SATB1: variants seen among roughly 807,000 people sequenced by gnomAD.
The protein encoded by SATB1 is DNA-binding protein SATB1.
A neutral mutation model predicts 86.9 loss-of-function variants in SATB1; 11 were observed. That is an observed-to-expected ratio of 0.13 (90% CI 0.08 to 0.21). The LOEUF is 0.21. Ranked by LOEUF, SATB1 falls within the 10% of genes least tolerant of loss-of-function variation. The pLI is 1.00. For synonymous variants in SATB1, 357 were observed against 357.2 expected, an observed-to-expected ratio of 1.00 and a Z score of 0.01; for missense variants, 551 against 937.6, an observed-to-expected ratio of 0.59 and a Z score of 5.39.
intron 1 of SATB1, among the ~76,000 whole-genome samples, chr3:18,437,541 T>A (rs1050451044): frequency 6.6e-6 from 1 of 152,162 alleles, no homozygotes; most frequent in Admixed American, 6.5e-5. Flanking sequence ...TGTAATTAAC[T>A]GTCTACTGCT....
intron 6 of SATB1, among the ~76,000 whole-genome samples, chr3:18,395,468 TTAATG>T (rs1696920219): frequency 6.6e-6 from 1 of 152,204 alleles, no homozygotes. Flanking sequence ...ATAGAAGTAG[TTAATG>T]TAATAAATAA....
chr3:18,426,107 T>G (rs893075160), upstream of SATB1, among the ~76,000 whole-genome samples: 1 of 152,080 alleles, frequency 6.6e-6, no homozygotes, highest in African/African-American at 2.4e-5. The surrounding 1 kb of genome is among the most constrained non-coding windows in gnomAD (Gnocchi z 4.2). Flanking sequence ...GGCAGTTCTC[T>G]CCGGGGAAGC....
At chr3:18,430,676 C>T (rs980137554) in intron 2 of SATB1, among the ~76,000 whole-genome samples, 4 of 152,120 alleles carry the variant, frequency 2.6e-5, no homozygotes, top group Admixed American at 2.0e-4. Flanking sequence ...ATGTTGCAGG[C>T]GAGTTAAAGG....
At chr3:18,417,752 C>T (rs1698193510) in intron 2 of SATB1, 3 of 677,710 alleles carry the variant, frequency 4.4e-6, no homozygotes, top group Admixed American at 2.2e-5. Flanking sequence ...ATTTAACCTA[C>T]CTAACTAAAA....
chr3:18,349,798 T>C lies in SATB1; in HGVS notation c.1780-116A>G. On this transcript the variant is annotated intron_variant, in intron 10 of 10. Coordinates refer to ENST00000338745, the MANE Select transcript of SATB1 (RefSeq NM_002971.6). This position sits in a 1 kb window ranked among gnomAD's most constrained non-coding sequence, Gnocchi z 5.5. Reference sequence around the variant, plus strand: ...CTACATATAGCTTCTTTGATAGGGATGAAGATTTAGAAAGAAAAGGTAGGC... The same window carrying C: ...CTACATATAGCTTCTTTGATAGGGACGAAGATTTAGAAAGAAAAGGTAGGC... The C allele has an allele frequency of 7.0e-7, 1 of 1,438,606 alleles. No individual in the cohort carries two copies. Among genetic ancestry groups the C allele is most frequent in the Non-Finnish European group, 9.1e-7 (1 of 1,099,600 alleles). 89.1% of individuals were successfully genotyped at this position (1,438,606 alleles called of 1,614,324 possible). A position where few individuals can be genotyped will look rare whatever the true frequency, so the allele number is the denominator to read the frequency against.
upstream of SATB1, among the ~76,000 whole-genome samples, chr3:18,439,239 A>G (rs763279016): frequency 4.2e-4 from 64 of 152,200 alleles, no homozygotes; most frequent in Non-Finnish European, 8.5e-4. Context: ...ACATCCTTGA[A>G]AGTCCATTGA....
chr3:18,381,390 C>T (rs1197008761), intron 8 of SATB1, among the ~76,000 whole-genome samples: 2 of 152,130 alleles, frequency 1.3e-5, no homozygotes, highest in East Asian at 1.9e-4. Context: ...TAAACACTGA[C>T]ATTTATTAGT....
intron 9 of SATB1, among the ~76,000 whole-genome samples, chr3:18,365,765 G>T (rs1346241755): frequency 6.6e-6 from 1 of 152,192 alleles, no homozygotes; most frequent in Non-Finnish European, 1.5e-5. Context: ...AAGCTTGATG[G>T]ATAAGGCTTT....
upstream of SATB1, among the ~76,000 whole-genome samples, chr3:18,426,125 G>T (rs1458698653): frequency 3.3e-5 from 5 of 152,176 alleles, no homozygotes; most frequent in Non-Finnish European, 7.4e-5. The surrounding 1 kb of genome is among the most constrained non-coding windows in gnomAD (Gnocchi z 4.2). Context: ...AGCGCGGAGG[G>T]TGCAGAAACG....
At chr3:18,361,378 G>C (rs1694898636) in intron 9 of SATB1, among the ~76,000 whole-genome samples, 1 of 152,138 alleles carries the variant, frequency 6.6e-6, no homozygotes, top group Admixed American at 6.6e-5. Flanking sequence ...CACAGTAACA[G>C]TATGATGAAT....
rs1427610634 is a variant in SATB1 at position 18,349,848 on chromosome 3, C to CA, written c.1780-167dup. ...CCGGCGAAATGGCCGACAGCATTTA[C>CA]AAAAAAATCAAAATGATATGACTAG... On this transcript the variant is annotated intron_variant, in intron 10 of 10. Transcript: ENST00000338745. The surrounding 1 kb of genome is among the most constrained non-coding windows in gnomAD (Gnocchi z 5.5). 6.3e-5 allele frequency: 77 copies of CA among 1,219,990 alleles called. No homozygotes were observed. The highest frequency in any genetic ancestry group is 2.9e-4 in the Middle Eastern group (1 of 3,478). The allele number at this position is 1,219,990 out of a possible 1,614,324, so 75.6% of individuals were successfully genotyped here. A position where few individuals can be genotyped will look rare whatever the true frequency, so the allele number is the denominator to read the frequency against.
intron 7 of SATB1, among the ~76,000 whole-genome samples, chr3:18,389,097 TA>T (rs1482627427): frequency 1.3e-5 from 2 of 152,092 alleles, no homozygotes; most frequent in Non-Finnish European, 2.9e-5. Context: ...CAAGTGTTTT[TA>T]GGGGCAAAGC....
intron 9 of SATB1, among the ~76,000 whole-genome samples, chr3:18,366,311 G>C (rs1026839458): frequency 5.3e-5 from 8 of 150,434 alleles, no homozygotes; most frequent in Admixed American, 2.0e-4. Context: ...CTTTTCCTTT[G>C]TATTTACTCC....
In SATB1 at chr3:18,394,837, G is replaced by T. The variant is rs771285511; in HGVS notation, c.831C>A (p.Asn277Lys). ...CAGGGGATGGAGGCTGCTCGGCTGT[G>T]TTCCCTGGAACTGGTTGCTGGCCAA... ...VNFGQQPVPG[N>K]TAEQPPSPAQ... The change falls in exon 7 of 11, where the codon AAC (asparagine) becomes AAA (lysine). Residue 277 changes from asparagine to lysine, a missense_variant. Coordinates refer to ENST00000338745, the MANE Select transcript of SATB1 (RefSeq NM_002971.6). This position sits in a 1 kb window ranked among gnomAD's most constrained non-coding sequence, Gnocchi z 5.9. 6.2e-7 allele frequency: 1 copy of T among 1,614,078 alleles called. No homozygotes were observed. Among genetic ancestry groups the T allele is most frequent in the Non-Finnish European group, 8.5e-7 (1 of 1,180,006 alleles).
In SATB1 at chr3:18,349,808, GA is replaced by G; in HGVS notation, c.1780-127del. On this transcript the variant is annotated intron_variant, in intron 10 of 10. Transcript: ENST00000338745. This position sits in a 1 kb window ranked among gnomAD's most constrained non-coding sequence, Gnocchi z 5.5. ...CTTCTTTGATAGGGATGAAGATTTA[GA>G]AAGAAAAGGTAGGCCGGCGAAATGG... 13 of 1,427,410 alleles carry G rather than the reference GA, an allele frequency of 9.1e-6. No homozygotes were observed. Among genetic ancestry groups the G allele is most frequent in the African/African-American group, 1.4e-5 (1 of 69,628 alleles). The allele number at this position is 1,427,410 out of a possible 1,614,324, so 88.4% of individuals were successfully genotyped here. A position where few individuals can be genotyped will look rare whatever the true frequency, so the allele number is the denominator to read the frequency against.
intron 4 of SATB1, among the ~76,000 whole-genome samples, chr3:18,415,447 A>AT (rs1393780958): frequency 1.3e-5 from 2 of 151,952 alleles, no homozygotes; most frequent in Non-Finnish European, 2.9e-5. Flanking sequence ...TGTGGTGGCT[A>AT]TTTTTTCATG....
chr3:18,379,517 T>C (rs956731729), intron 8 of SATB1, among the ~76,000 whole-genome samples: 1 of 152,218 alleles, frequency 6.6e-6, no homozygotes, highest in African/African-American at 2.4e-5. Context: ...AAATGAAGTA[T>C]GCTGTAGAAT....
intron 5 of SATB1, among the ~76,000 whole-genome samples, chr3:18,413,959 C>T (rs780089141): frequency 6.6e-6 from 1 of 152,044 alleles, no homozygotes; most frequent in Non-Finnish European, 1.5e-5. Flanking sequence ...ACAAGATTCC[C>T]TTCAAAGGTA....
rs1423643969 is a variant in SATB1, at chr3:18,346,863, A to G, written c.*2307T>C. 1 of 152,076 alleles carries G rather than the reference A, an allele frequency of 6.6e-6. No homozygotes were observed. The highest frequency in any genetic ancestry group is 1.5e-5 in the Non-Finnish European group (1 of 67,986). 9.4% of individuals were successfully genotyped at this position (152,076 alleles called of 1,614,324 possible). ...CATTTGAGTTTCTATTTTATTTCCT[A>G]TTTTTTAAATACATGAAACCTAGTT... is the stretch of plus-strand genomic sequence containing the variant. On this transcript the variant is annotated 3_prime_UTR_variant, in exon 11 of 11. Coordinates refer to ENST00000338745, the MANE Select transcript of SATB1 (RefSeq NM_002971.6).
Sources: gnomAD v4.1 joint callset for allele counts (sites outside exome capture counted in the v4.1 genomes callset) on GRCh38, gnomAD v4.1.1 for gene constraint, Gnocchi (gnomAD v3.1) non-coding constraint, MANE v1.5 for transcripts, NCBI Gene and HGNC (gene_info 2026-07-23, HGNC 2026-07-21) for gene names.